Variants in SNTG2 observed in about 807,000 individuals in gnomAD.
SNTG2 encodes the protein syntrophin gamma 2, also known as gamma-2-syntrophin.
SNTG2 carries 74 observed loss-of-function variants against 70.9 expected under a neutral mutation model. The ratio of observed to expected loss-of-function variants is 1.04; its 90% CI spans 0.86 to 1.27. The LOEUF (loss-of-function observed/expected upper bound fraction) is 1.27. SNTG2 is among the 50% of genes most tolerant of loss of function. The pLI is 0.00. For missense variants in SNTG2, 717 were observed against 690.7 expected (o/e 1.04, Z -0.43); for synonymous variants, 278 against 273.8 (o/e 1.02, Z -0.15).
At chr2:1,232,896 T>C (rs1316073055) in intron 9 of SNTG2, among the ~76,000 whole-genome samples, 1 of 148,400 alleles carries the variant, frequency 6.7e-6, no homozygotes, top group Non-Finnish European at 1.5e-5. Flanking sequence ...CACACACACA[T>C]GCACACTCTC....
At chr2:1,215,832 G>T (rs1674355603) in intron 9 of SNTG2, among the ~76,000 whole-genome samples, 1 of 151,320 alleles carries the variant, frequency 6.6e-6, no homozygotes. Context: ...GTGATAGTTT[G>T]CTGAGAATGA....
intron 1 of SNTG2, among the ~76,000 whole-genome samples, chr2:1,029,104 C>T (rs1660669740): frequency 6.6e-6 from 1 of 152,158 alleles, no homozygotes; most frequent in Non-Finnish European, 1.5e-5. Context: ...CAACCCCAGC[C>T]TACTTATCTT....
chr2:1,037,918 T>C (rs967506630), intron 1 of SNTG2, among the ~76,000 whole-genome samples: 3 of 152,176 alleles, frequency 2.0e-5, no homozygotes, highest in Non-Finnish European at 4.4e-5. Flanking sequence ...GTTCAAGCTT[T>C]GGTGTGGACC....
intron 8 of SNTG2, among the ~76,000 whole-genome samples, chr2:1,203,690 A>ATATATATATATATGTG (rs150383929): frequency 7.1e-6 from 1 of 141,308 alleles, no homozygotes; most frequent in African/African-American, 2.6e-5. Flanking sequence ...ATATATATAT[A>ATATATATATATATGTG]TGTGTGTGTG....
At chr2:1,357,207 A>AG (rs1233424321) in intron 16 of SNTG2, among the ~76,000 whole-genome samples, 4 of 152,138 alleles carry the variant, frequency 2.6e-5, no homozygotes, top group Admixed American at 2.6e-4. Flanking sequence ...GTTGAACAGA[A>AG]GGGGCAAAAG....
intron 6 of SNTG2, among the ~76,000 whole-genome samples, chr2:1,152,516 A>G (rs1669569170): frequency 6.6e-6 from 1 of 152,050 alleles, no homozygotes; most frequent in African/African-American, 2.4e-5. Context: ...GTGTGTGTAC[A>G]TGTGTGTGCA....
intron 16 of SNTG2, among the ~76,000 whole-genome samples, chr2:1,337,679 A>G (rs533924765): frequency 2.6e-5 from 4 of 152,272 alleles, no homozygotes; most frequent in South Asian, 2.1e-4. Context: ...TTGATGCACA[A>G]AAGTTATTAA....
chr2:966,913 C>T (rs1260442490), intron 1 of SNTG2, among the ~76,000 whole-genome samples: 4 of 152,036 alleles, frequency 2.6e-5, no homozygotes, highest in South Asian at 2.1e-4. Context: ...CGCCACTGCC[C>T]TCCAGCCTGG....
intron 14 of SNTG2, among the ~76,000 whole-genome samples, chr2:1,295,561 G>C (rs1680165435): frequency 6.6e-6 from 1 of 152,212 alleles, no homozygotes; most frequent in African/African-American, 2.4e-5. Flanking sequence ...GTAGAGGACT[G>C]AGTCTCCAAT....
intron 1 of SNTG2, among the ~76,000 whole-genome samples, chr2:961,884 A>G (rs1558280407): frequency 6.6e-6 from 1 of 152,260 alleles, no homozygotes; most frequent in Non-Finnish European, 1.5e-5. Context: ...CTGGGTTTAT[A>G]GAAAACACAC....
At chr2:1,276,627 A>G (rs1218934627) in intron 14 of SNTG2, among the ~76,000 whole-genome samples, 9 of 152,230 alleles carry the variant, frequency 5.9e-5, no homozygotes, top group African/African-American at 2.2e-4. Flanking sequence ...TCCAAGATTA[A>G]TGTTGTTTTC....
chr2:1,106,649 C>A (rs867234711), intron 4 of SNTG2, among the ~76,000 whole-genome samples: 2 of 78,938 alleles, frequency 2.5e-5, no homozygotes, highest in South Asian at 9.7e-4. Flanking sequence ...AGTGGACACA[C>A]GCTGTCACTC....
intron 8 of SNTG2, among the ~76,000 whole-genome samples, chr2:1,182,893 T>C (rs1328864861): frequency 1.3e-5 from 2 of 152,124 alleles, no homozygotes; most frequent in African/African-American, 4.8e-5. Flanking sequence ...GCTGGGGCTA[T>C]AGGTGTGCGC....
At chr2:1,079,750 A>G (rs1007273989) in intron 1 of SNTG2, among the ~76,000 whole-genome samples, 4 of 152,232 alleles carry the variant, frequency 2.6e-5, no homozygotes, top group African/African-American at 9.6e-5. Flanking sequence ...CACCAGGACA[A>G]TTAACCGGTA....
At chr2:973,984 G>T (rs1444778914) in intron 1 of SNTG2, among the ~76,000 whole-genome samples, 1 of 152,118 alleles carries the variant, frequency 6.6e-6, no homozygotes, top group Non-Finnish European at 1.5e-5. Flanking sequence ...TGAAATTTCT[G>T]TCTGGTATCT....
intron 9 of SNTG2, among the ~76,000 whole-genome samples, chr2:1,229,067 G>C (rs1676003021): frequency 1.3e-5 from 2 of 152,174 alleles, no homozygotes; most frequent in African/African-American, 4.8e-5. Context: ...AAGCAGCGTG[G>C]ACCCAAAGAG....
At chr2:1,304,293 C>T (rs1238409208) in intron 14 of SNTG2, among the ~76,000 whole-genome samples, 1 of 152,136 alleles carries the variant, frequency 6.6e-6, no homozygotes, top group Non-Finnish European at 1.5e-5. Context: ...GCTTTACTGC[C>T]CACTATTGGG....
rs1558553591 is a variant in SNTG2, at chr2:1,222,109, C to CTCTCTG, written c.719+12885_719+12890dup. Among the ~76,000 whole-genome samples the CTCTCTG allele has an allele frequency of 1.6e-4, 7 of 44,564 alleles. 1 individual carries two copies. Among genetic ancestry groups the CTCTCTG allele is most frequent in the Middle Eastern group, 0.01 (1 of 100 alleles). 29.2% of individuals were successfully genotyped at this position (44,564 alleles called of 152,430 possible). On this transcript the variant is annotated intron_variant, in intron 9 of 16. Coordinates refer to ENST00000308624, the MANE Select transcript of SNTG2 (RefSeq NM_018968.4). ...TGTCTCTCTCTGTCTCTCTCTGTCT[C>CTCTCTG]TCTCTGTCTCTCTCTGTCTCTCTCT...
intron 14 of SNTG2, among the ~76,000 whole-genome samples, chr2:1,303,524 A>G (rs1421906253): frequency 6.6e-6 from 1 of 152,242 alleles, no homozygotes; most frequent in Non-Finnish European, 1.5e-5. Flanking sequence ...AACAGCATGC[A>G]TTCATTAGAG....
Sources: gnomAD v4.1 joint callset for allele counts (sites outside exome capture counted in the v4.1 genomes callset) on GRCh38, gnomAD v4.1.1 for gene constraint, MANE v1.5 for transcripts, NCBI Gene and HGNC (gene_info 2026-07-23, HGNC 2026-07-21) for gene names.